The following SATB2 variants were observed in gnomAD, a reference collection of about 807,000 sequenced individuals.
SATB2 encodes the protein SATB homeobox 2, also known as DNA-binding protein SATB2.
A neutral mutation model predicts 73.4 loss-of-function variants in SATB2; 1 was observed. The observed-to-expected ratio is 0.01, with a 90% CI of 0.00 to 0.06. The LOEUF (loss-of-function observed/expected upper bound fraction) is 0.06, where lower values mean the gene tolerates loss of function less well. SATB2 is among the 10% of genes least tolerant of loss of function. The pLI is 1.00. For synonymous variants in SATB2, 397 were observed against 367.0 expected (o/e 1.08, Z -0.93); for missense variants, 459 against 945.8 (o/e 0.49, Z 6.75).
upstream of SATB2, chr2:199,460,457 T>C (rs574683019): frequency 6.6e-6 from 1 of 152,506 alleles, no homozygotes; most frequent in African/African-American, 2.4e-5. The surrounding 1 kb of genome is among the most constrained non-coding windows in gnomAD (Gnocchi z 4.0). Context: ...CTTACCTTGA[T>C]GTTGAACTGC....
At chr2:199,420,007 T>C (rs1691116859) in intron 3 of SATB2, among the ~76,000 whole-genome samples, 1 of 152,218 alleles carries the variant, frequency 6.6e-6, no homozygotes, top group African/African-American at 2.4e-5. Flanking sequence ...GTATTCTTAA[T>C]GATAACCCAC....
chr2:199,368,892 A>T (rs372647116), intron 5 of SATB2, 185 bp from the exon 6 acceptor site: 2 of 516,528 alleles, frequency 3.9e-6, no homozygotes, highest in African/African-American at 1.9e-5. Context: ...TAATTTATAC[A>T]ATGATAGTGC....
intron 7 of SATB2, among the ~76,000 whole-genome samples, chr2:199,331,213 C>G (rs901225350): frequency 1.3e-4 from 8 of 59,964 alleles, no homozygotes; most frequent in Admixed American, 7.1e-4. Flanking sequence ...TAATTTGTTT[C>G]TTGTTTTTTT....
intron 10 of SATB2, among the ~76,000 whole-genome samples, chr2:199,301,193 A>C (rs1687280323): frequency 6.6e-6 from 1 of 152,278 alleles, no homozygotes; most frequent in African/African-American, 2.4e-5. Flanking sequence ...AAAAGGTAGA[A>C]TACTCTGGAC....
intron 7 of SATB2, among the ~76,000 whole-genome samples, chr2:199,345,178 G>A (rs1688613724): frequency 6.6e-6 from 1 of 151,856 alleles, no homozygotes; most frequent in African/African-American, 2.4e-5. Context: ...TCTCTCCCCT[G>A]ACTCTTCCAT....
At chr2:199,343,924 G>A (rs1031346141) in intron 7 of SATB2, among the ~76,000 whole-genome samples, 6 of 152,058 alleles carry the variant, frequency 3.9e-5, no homozygotes, top group Non-Finnish European at 5.9e-5. Context: ...AGATGGCAAC[G>A]CCAAAGAAAA....
intron 8 of SATB2, among the ~76,000 whole-genome samples, chr2:199,327,018 G>C (rs1011222323): frequency 1.3e-5 from 2 of 152,108 alleles, no homozygotes; most frequent in African/African-American, 4.8e-5. Flanking sequence ...ATTTCTACTA[G>C]GATACAATTC....
chr2:199,383,702 C>A (rs776455427), intron 3 of SATB2, among the ~76,000 whole-genome samples: 4 of 152,164 alleles, frequency 2.6e-5, no homozygotes, highest in Non-Finnish European at 5.9e-5. Context: ...AAGGACCCTA[C>A]AAGCTTCAAC....
upstream of SATB2, among the ~76,000 whole-genome samples, chr2:199,466,060 G>A (rs1414080587): frequency 5.9e-5 from 9 of 152,044 alleles, no homozygotes; most frequent in African/African-American, 1.9e-4. Flanking sequence ...CCCTTAGTTC[G>A]TCTCGTTTTA....
At chr2:199,362,811 T>C (rs1307748709) in intron 6 of SATB2, among the ~76,000 whole-genome samples, 1 of 152,110 alleles carries the variant, frequency 6.6e-6, no homozygotes, top group South Asian at 2.1e-4. Context: ...CTATGTCTTA[T>C]GCTTCTTCCA....
intron 6 of SATB2, among the ~76,000 whole-genome samples, chr2:199,364,098 G>A (rs1689218225): frequency 6.6e-6 from 1 of 152,182 alleles, no homozygotes; most frequent in Non-Finnish European, 1.5e-5. Context: ...AACCAGGTCA[G>A]GGGACATTGA....
chr2:199,317,899 A>G (rs1687778751), intron 9 of SATB2, among the ~76,000 whole-genome samples: 1 of 152,046 alleles, frequency 6.6e-6, no homozygotes, highest in Admixed American at 6.6e-5. Context: ...TTCACTAGGC[A>G]TATAATATTT....
intron 10 of SATB2, among the ~76,000 whole-genome samples, chr2:199,285,228 C>T (rs1329583295): frequency 6.6e-6 from 1 of 152,000 alleles, no homozygotes; most frequent in Non-Finnish European, 1.5e-5. Flanking sequence ...ATGAATCACA[C>T]TCAATAGTAA....
chr2:199,333,604 T>C (rs2105802458), intron 7 of SATB2, among the ~76,000 whole-genome samples: 1 of 152,132 alleles, frequency 6.6e-6, no homozygotes, highest in South Asian at 2.1e-4. Flanking sequence ...GTGCAAAAAC[T>C]GATAAAGTGG....
At chr2:199,386,724 A>G (rs1001174985) in intron 3 of SATB2, among the ~76,000 whole-genome samples, 27 of 9,376 alleles carry the variant, frequency 2.9e-3, no homozygotes, top group South Asian at 0.017. Flanking sequence ...GCGCACACAC[A>G]CACACACACA....
Position 199,391,448 on chromosome 2 carries a change from AAAAAC to A in SATB2, c.347-9633_347-9629del, listed in dbSNP as rs1269752250. On this transcript the variant is annotated intron_variant, in intron 3 of 10. Transcript: ENST00000417098. ...ACTCCGTCTCAAAAAAAAAAAAAAA[AAAAAC>A]AAAAAACAAAAAACGAGTATTTTAA... Among the ~76,000 whole-genome samples, 171 of 150,120 alleles carry A rather than the reference AAAAAC, an allele frequency of 1.1e-3. 1 individual carries two copies. The highest frequency in any genetic ancestry group is 3.9e-3 in the African/African-American group (160 of 40,818).
intron 3 of SATB2, chr2:199,396,619 T>C (rs1276512027): frequency 6.6e-6 from 1 of 152,198 alleles, no homozygotes; most frequent in African/African-American, 2.4e-5. Flanking sequence ...GAGGAAATCA[T>C]AAATGCTGAG....
chr2:199,459,108 T>A (rs944523998), upstream of SATB2, among the ~76,000 whole-genome samples: 12 of 151,896 alleles, frequency 7.9e-5, no homozygotes, highest in Non-Finnish European at 1.6e-4. The surrounding 1 kb of genome is among the most constrained non-coding windows in gnomAD (Gnocchi z 4.2). Context: ...CTGGAGCCCG[T>A]GACGCGGTGG....
chr2:199,326,563 C>T (rs1429311347), intron 8 of SATB2, among the ~76,000 whole-genome samples: 1 of 152,078 alleles, frequency 6.6e-6, no homozygotes, highest in African/African-American at 2.4e-5. Context: ...AACAAATACA[C>T]AGACCTGTGT....
Sources: gnomAD v4.1 joint callset for allele counts (sites outside exome capture counted in the v4.1 genomes callset) on GRCh38, gnomAD v4.1.1 for gene constraint, Gnocchi (gnomAD v3.1) non-coding constraint, MANE v1.5 for transcripts, NCBI Gene and HGNC (gene_info 2026-07-23, HGNC 2026-07-21) for gene names.